CATSPERB: variants seen among roughly 807,000 people sequenced by gnomAD.
CATSPERB encodes the protein cation channel sperm-associated auxiliary subunit beta.
A neutral mutation model predicts 128.3 loss-of-function variants in CATSPERB; 93 were observed. That is an observed-to-expected ratio of 0.72 (90% confidence interval 0.61 to 0.86). CATSPERB has a LOEUF of 0.86. Among genes scored for constraint, CATSPERB ranks in the 40% least tolerant of loss-of-function variants. The probability of loss-of-function intolerance (pLI) is 0.00; values close to 1 mark genes in which losing one functional copy is unlikely to be tolerated. For synonymous variants in CATSPERB, 381 were observed against 448.8 expected (o/e 0.85, Z 1.91); for missense variants, 1,153 against 1,329.5 (o/e 0.87, Z 2.06).
chr14:91,624,847 C>G lies in CATSPERB; in HGVS notation c.1903G>C (p.Val635Leu). The change falls in exon 18 of 27, where the codon GTC (valine) becomes CTC (leucine). Residue 635 changes from valine (V) to leucine (L), a missense_variant. By Grantham distance (32) the Val-to-Leu change is conservative (BLOSUM62 1). Transcript: ENST00000256343. Reference protein sequence around the residue: ...SSLLINKAGNVYKLTLDSQVV... With the variant: ...SSLLINKAGNLYKLTLDSQVV... ...TGTGAATCAAGAGTGAGTTTATAGA[C>G]ATTTCCAGCTTTATTAATCAAAAGG... 6.2e-7 allele frequency: 1 copy of G among 1,607,476 alleles called. No homozygotes were observed. The highest frequency in any genetic ancestry group is 1.3e-5 in the African/African-American group (1 of 74,598).
Position 91,680,641 on chromosome 14 carries a change from T to C in CATSPERB, c.931+3236A>G, listed in dbSNP as rs373326689. 2.7e-3 allele frequency among the ~76,000 whole-genome samples: 405 copies of C among 152,168 alleles called. 2 individuals carry two copies. The highest frequency in any genetic ancestry group is 4.5e-3 in the Non-Finnish European group (305 of 67,942). ...CTTTTGACTCTAAGTTCCTTGGCCA[T>C]AGGTGTCCCACTGGAGGGCATGACA... On this transcript the variant is annotated intron_variant, in intron 11 of 26. Coordinates refer to ENST00000256343, the MANE Select transcript of CATSPERB (RefSeq NM_024764.4).
At chr14:91,675,828 T>C (rs1416115793) in intron 11 of CATSPERB, among the ~76,000 whole-genome samples, 1 of 152,212 alleles carries the variant, frequency 6.6e-6, no homozygotes, top group Non-Finnish European at 1.5e-5. Context: ...GCTGGGTTGC[T>C]CTTTCTCGGA....
intron 7 of CATSPERB, among the ~76,000 whole-genome samples, chr14:91,698,605 G>C (rs991186355): frequency 1.4e-4 from 21 of 152,146 alleles, no homozygotes; most frequent in African/African-American, 2.7e-4. Flanking sequence ...AACATGAAGG[G>C]ATGTTAGGTT....
At chr14:91,691,155 G>C (rs1219374916) in intron 10 of CATSPERB, among the ~76,000 whole-genome samples, 1 of 152,132 alleles carries the variant, frequency 6.6e-6, no homozygotes, top group Non-Finnish European at 1.5e-5. Flanking sequence ...GAGGAGTAAA[G>C]TGTTAGCCAG....
At chr14:91,594,781 T>C (rs1893474694) in intron 22 of CATSPERB, among the ~76,000 whole-genome samples, 1 of 152,062 alleles carries the variant, frequency 6.6e-6, no homozygotes, top group Non-Finnish European at 1.5e-5. Context: ...CCTGGAAAAA[T>C]CAATATAGGC....
chr14:91,634,832 C>G (rs778818041), intron 17 of CATSPERB, among the ~76,000 whole-genome samples: 1 of 146,544 alleles, frequency 6.8e-6, no homozygotes, highest in Non-Finnish European at 1.5e-5. Context: ...CAGATTCCAA[C>G]CTGGTATAAG....
intron 22 of CATSPERB, chr14:91,603,136 C>T (rs1189064446): frequency 6.4e-6 from 5 of 787,306 alleles, no homozygotes; most frequent in African/African-American, 5.1e-5. Context: ...CTGGTATCCA[C>T]TCTTCCTTGT....
At position 91,684,605 on chromosome 14, in the gene CATSPERB, C is replaced by CTT. The variant is rs1160778932; in HGVS notation, c.865-664_865-663dup. Among the ~76,000 whole-genome samples the CTT allele has an allele frequency of 9.9e-4, 111 of 112,314 alleles. 1 individual carries two copies. The highest frequency in any genetic ancestry group is 1.3e-3 in the Non-Finnish European group (72 of 54,386). 73.7% of individuals were successfully genotyped at this position (112,314 alleles called of 152,430 possible). On this transcript the variant is annotated intron_variant, in intron 10 of 26. Transcript: ENST00000256343. ...AACTTGAACACATGAGGAGACACTTCTTTTTTTTTTTTTTTTTTTTTTAAA... is the reference window on the plus strand; with the variant it reads ...AACTTGAACACATGAGGAGACACTTCTTTTTTTTTTTTTTTTTTTTTTTTAAA...
At chr14:91,722,967 T>C in intron 4 of CATSPERB, 82 bp downstream of exon 4, 1 of 1,122,486 alleles carries the variant, frequency 8.9e-7, no homozygotes, top group Non-Finnish European at 1.2e-6. Context: ...CTCAGCTACC[T>C]ATTTTTTAAA....
intron 13 of CATSPERB, among the ~76,000 whole-genome samples, chr14:91,671,029 A>T (rs1334540038): frequency 1.3e-5 from 2 of 152,168 alleles, no homozygotes; most frequent in African/African-American, 4.8e-5. Context: ...TTATATAAGG[A>T]TAATTTTAAG....
At position 91,580,798 on chromosome 14, in the gene CATSPERB, A is replaced by G; in HGVS notation, c.*91T>C. ...TATAATGACAATTCTTTAGGATTTT[A>G]TGTAGCTTGCATATTTAACATTTAA... On this transcript the variant is annotated 3_prime_UTR_variant, in exon 27 of 27. Coordinates refer to ENST00000256343, the MANE Select transcript of CATSPERB (RefSeq NM_024764.4). 1.1e-6 allele frequency: 1 copy of G among 941,250 alleles called. No individual in the cohort carries two copies. Among genetic ancestry groups the G allele is most frequent in the Non-Finnish European group, 1.6e-6 (1 of 618,706 alleles). The allele number at this position is 941,250 out of a possible 1,614,324, so 58.3% of individuals were successfully genotyped here.
chr14:91,648,509 T>C (rs1421185967), intron 15 of CATSPERB, among the ~76,000 whole-genome samples: 1 of 152,248 alleles, frequency 6.6e-6, no homozygotes, highest in Admixed American at 6.5e-5. Flanking sequence ...CAATTTCAAA[T>C]GTATTCTACT....
chr14:91,614,950 T>C (rs929018924), intron 20 of CATSPERB, among the ~76,000 whole-genome samples: 27 of 152,198 alleles, frequency 1.8e-4, no homozygotes, highest in African/African-American at 6.0e-4. Context: ...GAATACTTAA[T>C]CATTTTGTGG....
chr14:91,671,123 A>G (rs1215141821), intron 13 of CATSPERB, among the ~76,000 whole-genome samples: 1 of 152,244 alleles, frequency 6.6e-6, no homozygotes, highest in Non-Finnish European at 1.5e-5. Flanking sequence ...CTGCTGGGAA[A>G]TGAGGCTGAC....
At chr14:91,719,288 A>G in intron 5 of CATSPERB, 130 bp downstream of exon 5, 1 of 533,298 alleles carries the variant, frequency 1.9e-6, no homozygotes. Flanking sequence ...TTTAGTAAGT[A>G]TGCCCCAAAT....
intron 10 of CATSPERB, among the ~76,000 whole-genome samples, chr14:91,690,953 T>C (rs1895459682): frequency 6.6e-6 from 1 of 152,238 alleles, no homozygotes; most frequent in African/African-American, 2.4e-5. Flanking sequence ...CATGCTTATA[T>C]GCTGATGGGA....
At chr14:91,686,671 T>C (rs1895380884) in intron 10 of CATSPERB, among the ~76,000 whole-genome samples, 1 of 152,224 alleles carries the variant, frequency 6.6e-6, no homozygotes, top group Non-Finnish European at 1.5e-5. Flanking sequence ...TTGCTAATTA[T>C]AAAAACTTCC....
At chr14:91,699,397 A>C (rs1025010883) in intron 7 of CATSPERB, among the ~76,000 whole-genome samples, 13 of 152,164 alleles carry the variant, frequency 8.5e-5, no homozygotes, top group Middle Eastern at 3.2e-3. Context: ...ATTCCCATCA[A>C]AATCACAACA....
At chr14:91,616,576 G>T (rs1196576435) in intron 20 of CATSPERB, among the ~76,000 whole-genome samples, 2 of 151,998 alleles carry the variant, frequency 1.3e-5, no homozygotes, top group South Asian at 2.1e-4. Context: ...TAAGCTACAT[G>T]TATTTTATTT....
Sources: allele counts gnomAD v4.1 joint callset (sites outside exome capture counted in the v4.1 genomes callset), GRCh38; gene constraint gnomAD v4.1.1; transcripts MANE v1.5; gene names NCBI Gene and HGNC (gene_info 2026-07-23, HGNC 2026-07-21).